Variants in MST1R observed in about 807,000 individuals in gnomAD.
The protein encoded by MST1R is macrophage-stimulating protein receptor.
A neutral mutation model predicts 117.8 loss-of-function variants in MST1R; 99 were observed. That is an observed-to-expected ratio of 0.84 (90% CI 0.71 to 0.99). The LOEUF is 0.99. Ranked by LOEUF, MST1R falls within the 50% of genes least tolerant of loss-of-function variation. The pLI is 0.00. For synonymous variants in MST1R, 734 were observed against 765.3 expected, an observed-to-expected ratio of 0.96 and a Z score of 0.68; for missense variants, 1,683 against 1,840.2, an observed-to-expected ratio of 0.91 and a Z score of 1.56.
intron 5 of MST1R, 151 bp from the exon 6 acceptor site, chr3:49,897,836 G>T: frequency 8.3e-7 from 1 of 1,211,936 alleles, no homozygotes; most frequent in Non-Finnish European, 1.1e-6. Context: ...GTGGGGCAGA[G>T]ATTAACCTTG....
Position 49,891,836 on chromosome 3 carries a change from G to C in MST1R, c.3274C>G (p.His1092Asp). 6.2e-7 allele frequency: 1 copy of C among 1,614,148 alleles called. No individual in the cohort carries two copies. Among genetic ancestry groups the C allele is most frequent in the Middle Eastern group, 1.7e-4 (1 of 6,060 alleles). ...TCTCCGTGGTAGACAACTCCAAAGTGGCCTGGTGTGAGGTGCATAATGAGT... is the reference window on the plus strand; with the variant it reads ...TCTCCGTGGTAGACAACTCCAAAGTCGCCTGGTGTGAGGTGCATAATGAGT... The part of the protein sequence containing the change: ...THSDRVIGKG[H>D]FGVVYHGEYI... The change falls in exon 15 of 20, where the codon CAC (histidine) becomes GAC (aspartate). Residue 1092 changes from histidine to aspartate, a missense_variant and splice_region_variant. By Grantham distance (81) the His-to-Asp change is moderately conservative. Transcript: ENST00000296474.
In MST1R at chr3:49,903,537, C is replaced by A; in HGVS notation, c.73G>T (p.Glu25Ter). 1 of 1,601,476 alleles carries A rather than the reference C, an allele frequency of 6.2e-7. No individual in the cohort carries two copies. Residue 25 changes from glutamate to a stop codon, truncating the protein, a stop_gained, in exon 1 of 20, where the codon GAG becomes TAG. Coordinates refer to ENST00000296474, the MANE Select transcript of MST1R (RefSeq NM_002447.4). LOFTEE classifies it high-confidence loss of function. ...LLLPAKPAAG[E>*]DWQCPRTPYA... is the part of the protein sequence containing the mutation. ...GGGGTGCGCGGGCACTGCCAGTCCTCGCCCGCCGCGGGCTTGGCAGGCAAC... is the reference window on the plus strand; with the variant it reads ...GGGGTGCGCGGGCACTGCCAGTCCTAGCCCGCCGCGGGCTTGGCAGGCAAC...
At chr3:49,890,347 C>A in intron 18 of MST1R, 138 bp downstream of exon 18, 1 of 991,812 alleles carries the variant, frequency 1.0e-6, no homozygotes, top group Non-Finnish European at 1.4e-6. Flanking sequence ...TACATCTGCC[C>A]AAGAGGTGAG....
At chr3:49,887,932 C>T (rs186352934) in intron 19 of MST1R, among the ~76,000 whole-genome samples, 5 of 152,362 alleles carry the variant, frequency 3.3e-5, no homozygotes, top group African/African-American at 9.6e-5. Flanking sequence ...GCCCAGCTCA[C>T]GAGGTACAAT....
chr3:49,889,721 C>T (rs965013570), intron 19 of MST1R, among the ~76,000 whole-genome samples: 1 of 152,156 alleles, frequency 6.6e-6, no homozygotes, highest in Non-Finnish European at 1.5e-5. Flanking sequence ...ATGCTGTTAC[C>T]ATGGCAACTG....
intron 15 of MST1R, 68 bp downstream of exon 15, chr3:49,891,690 C>T (rs1161040798): frequency 6.2e-7 from 1 of 1,608,868 alleles, no homozygotes; most frequent in Non-Finnish European, 8.5e-7. Flanking sequence ...AAGGTGGGAA[C>T]ACAGAGAAAA....
In MST1R at chr3:49,903,072, T is replaced by G. The variant is rs1457659236; in HGVS notation, c.538A>C (p.Ser180Arg). 1.2e-6 allele frequency: 2 copies of G among 1,609,270 alleles called. No homozygotes were observed. Among genetic ancestry groups the G allele is most frequent in the Non-Finnish European group, 1.7e-6 (2 of 1,180,024 alleles). The change falls in exon 1 of 20, where the codon AGC (serine) becomes CGC (arginine). Residue 180 changes from serine (S) to arginine (R), a missense_variant. Coordinates refer to ENST00000296474, the MANE Select transcript of MST1R (RefSeq NM_002447.4). ...ACAGTTACACGGGTGCCCAATGGGC[T>G]GGCCACACAGTCGGGGCAGTCATCG... is the stretch of plus-strand genomic sequence containing the variant. The part of the protein sequence containing the change: ...RPDDCPDCVA[S>R]PLGTRVTVVE...
rs769648755 is a variant in MST1R, at chr3:49,895,867, C to G, written c.2810G>C (p.Gly937Ala). 2.5e-6 allele frequency: 4 copies of G among 1,606,210 alleles called. No individual in the cohort carries two copies. In the Admixed American group the frequency reaches 6.7e-5, roughly 27 times the overall value. The change falls in exon 12 of 20, where the codon GGT becomes GCT. Residue 937 changes from glycine (G) to alanine (A), a missense_variant. Physicochemically the swap from Gly to Ala is moderately conservative, Grantham distance 60. Coordinates refer to ENST00000296474, the MANE Select transcript of MST1R (RefSeq NM_002447.4). ...DGAPLQVCVD[G>A]ECHILGRVVR... ...CACTCTACCCAGGATATGACATTCA[C>G]CATCTACGCAGACCTGGGGGCAGGT...
intron 4 of MST1R, 148 bp downstream of exon 4, chr3:49,898,360 AGTCTTTGCAT>A: frequency 1.4e-6 from 2 of 1,386,516 alleles, no homozygotes; most frequent in South Asian, 2.7e-5. Context: ...CCTGCCTCCA[AGTCTTTGCAT>A]GTGGCATCCC....
chr3:49,891,700 A>C, intron 15 of MST1R, 58 bp downstream of exon 15: 1 of 1,610,170 alleles, frequency 6.2e-7, no homozygotes. Flanking sequence ...CACAGAGAAA[A>C]AGAATCCTCC....
rs2082330498 is a variant in MST1R, at chr3:49,891,992, G to A, written c.3272-154C>T. On this transcript the variant is annotated intron_variant, in intron 14 of 19. Transcript: ENST00000296474. The stretch of plus-strand genomic sequence containing the variant: ...TTTTATTTATTTTTTTTGAGACCGA[G>A]TCTCACTCTTGCCCAGGCTGAAGTG... 7.4e-6 allele frequency: 4 copies of A among 544,038 alleles called. No individual in the cohort carries two copies. The East Asian group carries it at 1.4e-4, about 18-fold the overall frequency. The allele number at this position is 544,038 out of a possible 1,614,324, so 33.7% of individuals were successfully genotyped here. A position where few individuals can be genotyped will look rare whatever the true frequency, so the allele number is the denominator to read the frequency against.
Position 49,896,893 on chromosome 3 carries a change from A to C in MST1R, c.2184-3T>G. On this transcript the variant is annotated splice_polypyrimidine_tract_variant and splice_region_variant and intron_variant, in intron 7 of 19. Transcript: ENST00000296474. Reference sequence around the variant, plus strand: ...ATAAAAGCTGCCCCTCACTGACCCTACAGGAACAAGAGATTGGGCTCAAGG... The same window carrying C: ...ATAAAAGCTGCCCCTCACTGACCCTCCAGGAACAAGAGATTGGGCTCAAGG... 6.7e-7 allele frequency: 1 copy of C among 1,499,958 alleles called. No homozygotes were observed. The allele number at this position is 1,499,958 out of a possible 1,614,324, so 92.9% of individuals were successfully genotyped here. A position where few individuals can be genotyped will look rare whatever the true frequency, so the allele number is the denominator to read the frequency against.
At chr3:49,893,910 A>AAAAT (rs1559471648) in intron 14 of MST1R, among the ~76,000 whole-genome samples, 4 of 133,352 alleles carry the variant, frequency 3.0e-5, no homozygotes, top group Non-Finnish European at 4.7e-5. Context: ...AAAAAAAAAA[A>AAAAT]AAAATAAAAT....
At chr3:49,891,646 G>A in intron 15 of MST1R, 66 bp from the exon 16 acceptor site, 1 of 1,609,222 alleles carries the variant, frequency 6.2e-7, no homozygotes, top group South Asian at 1.1e-5. Context: ...TGGGGAAATG[G>A]GAAATGAAGG....
At chr3:49,893,622 G>A (rs184970576) in intron 14 of MST1R, among the ~76,000 whole-genome samples, 5 of 149,456 alleles carry the variant, frequency 3.3e-5, no homozygotes, top group African/African-American at 4.9e-5. Context: ...AAAATAGGCC[G>A]GGCGCGGTGG....
intron 4 of MST1R, 53 bp from the exon 5 acceptor site, chr3:49,898,264 C>T: frequency 6.2e-7 from 1 of 1,602,002 alleles, no homozygotes; most frequent in Non-Finnish European, 8.5e-7. Flanking sequence ...CTCTCTCAGC[C>T]CCACCTGCTT....
intron 19 of MST1R, among the ~76,000 whole-genome samples, chr3:49,888,058 C>T (rs1288616077): frequency 2.6e-5 from 4 of 152,232 alleles, no homozygotes; most frequent in African/African-American, 9.6e-5. Context: ...CTTTGGGAGG[C>T]TGAGGTGGGC....
intron 18 of MST1R, 82 bp from the exon 19 acceptor site, chr3:49,890,142 A>G (rs1168674131): frequency 2.0e-6 from 3 of 1,498,758 alleles, no homozygotes; most frequent in Non-Finnish European, 2.7e-6. Context: ...TACCTCCCAG[A>G]GTCCTTCAGC....
At chr3:49,901,764 T>TG (rs1354664695) in intron 1 of MST1R, among the ~76,000 whole-genome samples, 35 of 26,958 alleles carry the variant, frequency 1.3e-3, no homozygotes, top group Non-Finnish European at 1.4e-3. Flanking sequence ...GGCAGAAGGA[T>TG]GGGGGTGGGT....
Sources: allele counts gnomAD v4.1 joint callset (sites outside exome capture counted in the v4.1 genomes callset), GRCh38; gene constraint gnomAD v4.1.1; transcripts MANE v1.5; gene names NCBI Gene and HGNC (gene_info 2026-07-23, HGNC 2026-07-21).